Variants in ROBO1 observed in about 807,000 individuals in gnomAD.
ROBO1 encodes roundabout homolog 1.
Under a neutral mutation model 195.9 loss-of-function variants are expected in ROBO1, and 149 were observed. The observed-to-expected ratio is 0.76, with a 90% CI of 0.67 to 0.87. The LOEUF is 0.87. ROBO1 is among the 40% of genes least tolerant of loss of function. The pLI is 0.00. For synonymous variants in ROBO1, 816 were observed against 733.2 expected (o/e 1.11, Z -1.82); for missense variants, 1,933 against 2,068.3 (o/e 0.93, Z 1.27).
At chr3:79,657,235 A>G (rs950941168) in intron 1 of ROBO1, among the ~76,000 whole-genome samples, 6 of 152,140 alleles carry the variant, frequency 3.9e-5, no homozygotes, top group African/African-American at 7.2e-5. Context: ...AAATACTAAT[A>G]TATACATACA....
At chr3:79,098,872 A>G (rs2079620333) in intron 3 of ROBO1, among the ~76,000 whole-genome samples, 1 of 151,774 alleles carries the variant, frequency 6.6e-6, no homozygotes, top group South Asian at 2.1e-4. Flanking sequence ...ATGAAGATGA[A>G]CAAAAGGTCT....
rs1553714581 is a variant in ROBO1, at chr3:79,294,080, A to AAG, written c.89-168542_89-168541insCT. ...CTCAAAAAAAAAAAAAAAAAAAAAA[A>AAG]AAAGAAAGAAAAAACTACTTTGAAT... On this transcript the variant is annotated intron_variant, in intron 2 of 30. Coordinates refer to ENST00000464233, the MANE Select transcript of ROBO1 (RefSeq NM_002941.4). Among the ~76,000 whole-genome samples, 264 of 140,076 alleles carry AAG rather than the reference A, an allele frequency of 1.9e-3. 4 individuals are homozygous for AAG. The highest frequency in any genetic ancestry group is 4.9e-3 in the South Asian group (22 of 4,526). The allele number at this position is 140,076 out of a possible 152,430, so 91.9% of individuals were successfully genotyped here. A position where few individuals can be genotyped will look rare whatever the true frequency, so the allele number is the denominator to read the frequency against.
At chr3:79,104,814 CATAGCA>C (rs956431621) in intron 3 of ROBO1, among the ~76,000 whole-genome samples, 14 of 151,690 alleles carry the variant, frequency 9.2e-5, no homozygotes, top group African/African-American at 3.4e-4. Flanking sequence ...ACAACAAAGC[CATAGCA>C]ATGGAAACAG....
chr3:79,636,004 G>A (rs114939118), intron 1 of ROBO1, among the ~76,000 whole-genome samples: 4 of 152,038 alleles, frequency 2.6e-5, no homozygotes, highest in South Asian at 2.1e-4. Context: ...CTTCTGTTAC[G>A]TTTGTTATGC....
At chr3:79,044,154 ATCTCATCATCTTTT>A (rs2078544679) in intron 3 of ROBO1, among the ~76,000 whole-genome samples, 1 of 151,678 alleles carries the variant, frequency 6.6e-6, no homozygotes, top group Non-Finnish European at 1.5e-5. Context: ...GCAAAAAAAA[ATCTCATCATCTTTT>A]AAGAAAGTAT....
At chr3:78,900,249 G>C (rs1239129705) in intron 4 of ROBO1, among the ~76,000 whole-genome samples, 1 of 152,060 alleles carries the variant, frequency 6.6e-6, no homozygotes, top group African/African-American at 2.4e-5. Flanking sequence ...TTTGCCAGGG[G>C]AATTCTTAAT....
At chr3:79,382,690 C>T (rs914132198) in intron 2 of ROBO1, among the ~76,000 whole-genome samples, 2 of 152,118 alleles carry the variant, frequency 1.3e-5, no homozygotes, top group Non-Finnish European at 2.9e-5. Flanking sequence ...TGAACTAAAT[C>T]TCATTACAGT....
chr3:79,222,749 T>C (rs2082162522), intron 2 of ROBO1, among the ~76,000 whole-genome samples: 2 of 152,182 alleles, frequency 1.3e-5, no homozygotes, highest in African/African-American at 4.8e-5. Flanking sequence ...CACATCTGAA[T>C]GCAGTTATTA....
Position 78,627,474 on chromosome 3 carries a change from G to C in ROBO1, c.3722C>G (p.Pro1241Arg), listed in dbSNP as rs1041851959. 5 of 1,613,116 alleles carry C rather than the reference G, an allele frequency of 3.1e-6. No homozygotes were observed. The African/African-American group carries it at 4.0e-5, about 13-fold the overall frequency. ...EEEEDERGPT[P>R]PVRGAASSPA... ...AGAAGAAGCTGCTCCCCGAACAGGGGGAGTGGGGCCTCGTTCATCTTCCTC... is the reference window on the plus strand; with the variant it reads ...AGAAGAAGCTGCTCCCCGAACAGGGCGAGTGGGGCCTCGTTCATCTTCCTC... The change falls in exon 26 of 31, where the codon CCC (proline) becomes CGC (arginine). Residue 1241 changes from proline to arginine, a missense_variant. Transcript: ENST00000464233.
At chr3:79,085,045 C>T (rs946683248) in intron 3 of ROBO1, among the ~76,000 whole-genome samples, 1 of 152,054 alleles carries the variant, frequency 6.6e-6, no homozygotes, top group Non-Finnish European at 1.5e-5. Flanking sequence ...TACTTAGAAA[C>T]ATGATTTCAA....
chr3:78,697,332 C>T (rs148195038), intron 8 of ROBO1, among the ~76,000 whole-genome samples: 9 of 152,078 alleles, frequency 5.9e-5, no homozygotes, highest in Admixed American at 2.6e-4. Flanking sequence ...ATTCAGGAGA[C>T]ATGTGTATGA....
At chr3:79,500,157 G>A (rs1291888462) in intron 2 of ROBO1, among the ~76,000 whole-genome samples, 1 of 117,952 alleles carries the variant, frequency 8.5e-6, no homozygotes, top group Non-Finnish European at 1.6e-5. Context: ...TTGAGAAGAA[G>A]TCTCGCTCTG....
At chr3:79,649,840 G>T (rs1186417168) in intron 1 of ROBO1, among the ~76,000 whole-genome samples, 2 of 152,002 alleles carry the variant, frequency 1.3e-5, no homozygotes, top group East Asian at 1.9e-4. Flanking sequence ...ATGTTGATAT[G>T]TCTTCTGGAG....
chr3:78,808,821 C>T (rs2084633771), intron 4 of ROBO1, among the ~76,000 whole-genome samples: 1 of 152,082 alleles, frequency 6.6e-6, no homozygotes, highest in African/African-American at 2.4e-5. Flanking sequence ...TGGATCCCTT[C>T]CTTACACCTT....
intron 2 of ROBO1, among the ~76,000 whole-genome samples, chr3:79,587,791 A>G (rs1289005839): frequency 6.6e-6 from 1 of 151,700 alleles, no homozygotes; most frequent in East Asian, 1.9e-4. Flanking sequence ...TAATGAAAGG[A>G]GGGGACACTC....
At chr3:79,418,925 A>G (rs2038113205) in intron 2 of ROBO1, among the ~76,000 whole-genome samples, 1 of 152,086 alleles carries the variant, frequency 6.6e-6, no homozygotes, top group African/African-American at 2.4e-5. Flanking sequence ...TTCAAGTGGA[A>G]CTCAAAGTCC....
chr3:79,038,683 G>T (rs1576598933), intron 3 of ROBO1, among the ~76,000 whole-genome samples: 1 of 142,722 alleles, frequency 7.0e-6, no homozygotes, highest in Admixed American at 7.0e-5. Context: ...AATAATCTAT[G>T]AAACATTAAA....
chr3:78,885,831 A>AAATTT (rs2036526604), intron 4 of ROBO1, among the ~76,000 whole-genome samples: 1 of 149,934 alleles, frequency 6.7e-6, no homozygotes, highest in African/African-American at 2.4e-5. Context: ...AATTATGTTC[A>AAATTT]TACAACCCTG....
chr3:79,015,389 C>CA lies in ROBO1; in HGVS notation c.173-76463dup, dbSNP rs370809883. Reference sequence around the variant, plus strand: ...AGAAACCCTCCCCCACGCCCCCCCCCAAAAAAACAAGAAAAAGAAAGTACC... The same window carrying CA: ...AGAAACCCTCCCCCACGCCCCCCCCCAAAAAAAACAAGAAAAAGAAAGTACC... On this transcript the variant is annotated intron_variant, in intron 3 of 30. Transcript: ENST00000464233. Among the ~76,000 whole-genome samples, 993 of 148,800 alleles carry CA rather than the reference C, an allele frequency of 6.7e-3. 10 individuals are homozygous for CA. The highest frequency in any genetic ancestry group is 0.023 in the African/African-American group (937 of 40,042).
Sources: gnomAD v4.1 joint callset for allele counts (sites outside exome capture counted in the v4.1 genomes callset) on GRCh38, gnomAD v4.1.1 for gene constraint, MANE v1.5 for transcripts, NCBI Gene and HGNC (gene_info 2026-07-23, HGNC 2026-07-21) for gene names.